The following VPS13B variants were observed in gnomAD, a reference collection of about 807,000 sequenced individuals.
The protein encoded by VPS13B is vacuolar protein sorting 13 homolog B.
VPS13B carries 285 observed loss-of-function variants against 426.4 expected under a neutral mutation model. The observed-to-expected ratio is 0.67, with a 90% CI of 0.61 to 0.74. The LOEUF (loss-of-function observed/expected upper bound fraction) is 0.74, where lower values mean the gene tolerates loss of function less well. VPS13B is among the 30% of genes least tolerant of loss of function. The probability of loss-of-function intolerance (pLI) is 0.00; values close to 1 mark genes in which losing one functional copy is unlikely to be tolerated. For missense variants in VPS13B, 4,537 were observed against 4,782.6 expected (o/e 0.95, Z 1.51); for synonymous variants, 1,676 against 1,676.4 (o/e 1.00, Z 0.01).
At chr8:99,059,630 A>G (rs1261424861) in intron 3 of VPS13B, among the ~76,000 whole-genome samples, 1 of 151,790 alleles carries the variant, frequency 6.6e-6, no homozygotes, top group Non-Finnish European at 1.5e-5. Context: ...AAGTATGACT[A>G]TCTATCATGA....
intron 4 of VPS13B, among the ~76,000 whole-genome samples, chr8:99,100,613 A>G (rs1846681632): frequency 6.6e-6 from 1 of 152,196 alleles, no homozygotes. Flanking sequence ...AAAAAGATGA[A>G]CAATCCATCA....
intron 33 of VPS13B, among the ~76,000 whole-genome samples, chr8:99,594,281 T>A (rs1826875575): frequency 6.6e-6 from 1 of 151,950 alleles, no homozygotes; most frequent in Admixed American, 6.6e-5. Context: ...TTACTTTCTG[T>A]GTGGCCTTGG....
intron 31 of VPS13B, among the ~76,000 whole-genome samples, chr8:99,559,619 A>G (rs1824785358): frequency 6.6e-6 from 1 of 152,176 alleles, no homozygotes; most frequent in Non-Finnish European, 1.5e-5. Context: ...TCAGCTTTCT[A>G]CATATGGCTA....
intron 16 of VPS13B, among the ~76,000 whole-genome samples, chr8:99,174,799 C>G (rs1415382595): frequency 6.6e-6 from 1 of 152,046 alleles, no homozygotes; most frequent in African/African-American, 2.4e-5. Flanking sequence ...TAAACATTCT[C>G]TTAATTAAGG....
chr8:99,805,386 T>C (rs1209047095), intron 43 of VPS13B, among the ~76,000 whole-genome samples: 1 of 152,174 alleles, frequency 6.6e-6, no homozygotes, highest in African/African-American at 2.4e-5. Context: ...ATCATTTATG[T>C]TTTAAGATGC....
At chr8:99,809,026 C>T (rs992827442) in intron 43 of VPS13B, among the ~76,000 whole-genome samples, 4 of 151,806 alleles carry the variant, frequency 2.6e-5, no homozygotes, top group East Asian at 1.9e-4. Context: ...AGGAAAAAAC[C>T]GTCAGCCAAT....
chr8:99,272,092 T>C (rs1818637508), intron 17 of VPS13B, among the ~76,000 whole-genome samples: 1 of 152,210 alleles, frequency 6.6e-6, no homozygotes, highest in Non-Finnish European at 1.5e-5. Context: ...ACCCTAGAGT[T>C]TAAAGTCAAG....
intron 21 of VPS13B, among the ~76,000 whole-genome samples, chr8:99,430,351 G>C (rs1487751494): frequency 1.3e-5 from 2 of 151,836 alleles, no homozygotes; most frequent in Admixed American, 1.3e-4. Context: ...GAGCATCCTA[G>C]GTTCTTCAAA....
Position 99,875,663 on chromosome 8 carries a change from T to TTGAG in VPS13B, c.11993_*2dup, listed in dbSNP as rs764705493. On this transcript the variant is annotated frameshift_variant and stop_retained_variant, in exon 62 of 62. Transcript: ENST00000357162. LOFTEE classifies it high-confidence loss of function. ...ATAAAGCCCTGAGGAAAGGGTTTCC[T>TTGAG]TGAGTCCCCTCTGAGGTGTTTATTC... The TTGAG allele has an allele frequency of 2.5e-6, 4 of 1,614,060 alleles. No individual in the cohort carries two copies. The highest frequency in any genetic ancestry group is 1.3e-5 in the African/African-American group (1 of 74,902).
intron 39 of VPS13B, among the ~76,000 whole-genome samples, chr8:99,755,013 T>C (rs1326102453): frequency 6.6e-6 from 1 of 152,048 alleles, no homozygotes; most frequent in Non-Finnish European, 1.5e-5. Context: ...CTAACCAAAA[T>C]GTTTGAAAGG....
At chr8:99,714,601 T>C (rs1308921345) in intron 36 of VPS13B, among the ~76,000 whole-genome samples, 5 of 152,336 alleles carry the variant, frequency 3.3e-5, no homozygotes, top group Admixed American at 2.6e-4. Context: ...TTTAGCCATA[T>C]GATCAGAGTT....
intron 17 of VPS13B, among the ~76,000 whole-genome samples, chr8:99,264,319 C>T (rs1042733011): frequency 6.6e-6 from 1 of 151,558 alleles, no homozygotes; most frequent in Admixed American, 6.6e-5. Context: ...TCCTTTTCTC[C>T]GGTTGGATCC....
At chr8:99,104,084 A>C (rs1846912067) in intron 5 of VPS13B, among the ~76,000 whole-genome samples, 1 of 152,200 alleles carries the variant, frequency 6.6e-6, no homozygotes, top group African/African-American at 2.4e-5. Context: ...TGTTATGCAA[A>C]CATCATAGAG....
intron 31 of VPS13B, among the ~76,000 whole-genome samples, 179 bp downstream of exon 31, chr8:99,556,832 G>T (rs1335108101): frequency 6.6e-6 from 1 of 151,966 alleles, no homozygotes; most frequent in Non-Finnish European, 1.5e-5. Context: ...AAACCTGCTA[G>T]TCCTACCAGT....
rs147142490 is a variant in VPS13B, at chr8:99,705,246, A to T, written c.6454+5314A>T. On this transcript the variant is annotated intron_variant, in intron 36 of 61. Transcript: ENST00000357162. ...CTTGAGGCATTCGACAAAAAGTAGAACAGGAATTTCTAAAAATTGGCTGGG... is the reference window on the plus strand; with the variant it reads ...CTTGAGGCATTCGACAAAAAGTAGATCAGGAATTTCTAAAAATTGGCTGGG... Among the ~76,000 whole-genome samples, 958 of 152,276 alleles carry T rather than the reference A, an allele frequency of 6.3e-3. 8 individuals carry two copies. The highest frequency in any genetic ancestry group is 0.022 in the African/African-American group (900 of 41,564).
Position 99,683,614 on chromosome 8 carries a change from A to G in VPS13B, c.6047-15911A>G, listed in dbSNP as rs34855752. On this transcript the variant is annotated intron_variant, in intron 35 of 61. Transcript: ENST00000357162. ...TGTGTTCCTTTTATTTGGATATGTTATAAATACTATCTTTTATTTTAAGGC... is the reference window on the plus strand; with the variant it reads ...TGTGTTCCTTTTATTTGGATATGTTGTAAATACTATCTTTTATTTTAAGGC... 7.9e-3 allele frequency among the ~76,000 whole-genome samples: 1,208 copies of G among 152,272 alleles called. 8 individuals carry two copies. Among genetic ancestry groups the G allele is most frequent in the Middle Eastern group, 0.014 (4 of 294 alleles).
At chr8:99,535,508 T>C (rs1015270226) in intron 30 of VPS13B, among the ~76,000 whole-genome samples, 1 of 152,172 alleles carries the variant, frequency 6.6e-6, no homozygotes, top group African/African-American at 2.4e-5. Context: ...ACCAAATATC[T>C]GAAAAGCATT....
intron 29 of VPS13B, among the ~76,000 whole-genome samples, chr8:99,516,048 GAGGTGTTATA>G (rs1217633455): frequency 6.6e-6 from 1 of 152,086 alleles, no homozygotes; most frequent in Non-Finnish European, 1.5e-5. Flanking sequence ...ATCTCTATCT[GAGGTGTTATA>G]AATAGCCAGA....
In VPS13B at chr8:99,285,509, A is replaced by C. The variant is rs1275913721; in HGVS notation, c.2824+10255A>C. Reference sequence around the variant, plus strand: ...GTATACTGGGCTGCAGGTGAACTTCACTAGAAAATACGGACTATCTCATAA... The same window carrying C: ...GTATACTGGGCTGCAGGTGAACTTCCCTAGAAAATACGGACTATCTCATAA... On this transcript the variant is annotated intron_variant, in intron 19 of 61. Coordinates refer to ENST00000357162, the MANE Select transcript of VPS13B (RefSeq NM_152564.5). 3.9e-5 allele frequency among the ~76,000 whole-genome samples: 6 copies of C among 152,188 alleles called. No individual in the cohort carries two copies. The South Asian group carries it at 1.0e-3, about 26-fold the overall frequency.
Sources: allele counts gnomAD v4.1 joint callset (sites outside exome capture counted in the v4.1 genomes callset), GRCh38; gene constraint gnomAD v4.1.1; transcripts MANE v1.5; gene names NCBI Gene and HGNC (gene_info 2026-07-23, HGNC 2026-07-21).